FGFR1: variants seen among roughly 807,000 people sequenced by gnomAD.
FGFR1 encodes FGFR1/PLAG1 fusion.
FGFR1 carries 18 observed loss-of-function variants against 93.7 expected under a neutral mutation model. The observed-to-expected ratio is 0.19, with a 90% CI of 0.13 to 0.28. The LOEUF (loss-of-function observed/expected upper bound fraction) is 0.28. Among genes scored for constraint, FGFR1 ranks in the 10% least tolerant of loss-of-function variants. FGFR1 has a pLI of 1.00. For synonymous variants in FGFR1, 448 were observed against 429.3 expected (o/e 1.04, Z -0.54); for missense variants, 731 against 1,080.4 (o/e 0.68, Z 4.53).
chr8:38,431,455 A>G (rs758909026), intron 2 of FGFR1, among the ~76,000 whole-genome samples: 1 of 152,200 alleles, frequency 6.6e-6, no homozygotes, highest in Non-Finnish European at 1.5e-5. Context: ...ATGCTTGCTC[A>G]ATAAATACCA....
At chr8:38,421,380 C>T (rs986566722) in intron 8 of FGFR1, among the ~76,000 whole-genome samples, 4 of 152,220 alleles carry the variant, frequency 2.6e-5, no homozygotes, top group Non-Finnish European at 4.4e-5. Flanking sequence ...GCAAGCCCCA[C>T]CCCTGGGCTG....
rs574964654 is a variant in FGFR1, at chr8:38,411,205, G to T, written c.*2423C>A. 6.4e-5 allele frequency: 13 copies of T among 203,760 alleles called. No individual in the cohort carries two copies. Among genetic ancestry groups the T allele is most frequent in the East Asian group, 4.6e-4 (6 of 13,180 alleles). The allele number at this position is 203,760 out of a possible 1,614,324, so 12.6% of individuals were successfully genotyped here. Reference sequence around the variant, plus strand: ...CTTTGGGGAAATTTGTGGGTGATTTGAGTAGTAACAGCAAGGACATCACTG... The same window carrying T: ...CTTTGGGGAAATTTGTGGGTGATTTTAGTAGTAACAGCAAGGACATCACTG... On this transcript the variant is annotated 3_prime_UTR_variant, in exon 18 of 18. Transcript: ENST00000447712.
intron 11 of FGFR1, 64 bp downstream of exon 11, chr8:38,417,806 C>T (rs878998047): frequency 2.2e-5 from 36 of 1,613,168 alleles, no homozygotes; most frequent in South Asian, 1.8e-4. Flanking sequence ...CTGCTGGGCC[C>T]GAGGCCTGCT....
intron 1 of FGFR1, among the ~76,000 whole-genome samples, chr8:38,464,312 C>CAAAAAAAAAAA (rs56133772): frequency 2.4e-5 from 2 of 82,396 alleles, no homozygotes; most frequent in African/African-American, 4.6e-5. Flanking sequence ...GAGACTATCT[C>CAAAAAAAAAAA]AAAAAAAAAA....
At chr8:38,417,533 CCCA>C (rs973229283) in intron 11 of FGFR1, 117 bp from the exon 12 acceptor site, 38 of 881,888 alleles carry the variant, frequency 4.3e-5, no homozygotes, top group Admixed American at 3.9e-5. Context: ...TTCTCTCCTC[CCCA>C]CTTCATCCAA....
At chr8:38,460,919 C>T (rs1834246754) in intron 1 of FGFR1, among the ~76,000 whole-genome samples, 1 of 152,144 alleles carries the variant, frequency 6.6e-6, no homozygotes, top group African/African-American at 2.4e-5. Flanking sequence ...TAACCTGCAG[C>T]CTTGCAGGTG....
intron 3 of FGFR1, chr8:38,428,845 C>T (rs1821761412): frequency 3.2e-6 from 1 of 309,780 alleles, no homozygotes; most frequent in African/African-American, 2.2e-5. Context: ...GATGCTATTT[C>T]CAAAGGATGG....
intron 1 of FGFR1, 150 bp from the exon 2 acceptor site, chr8:38,457,684 A>G (rs1166804209): frequency 2.8e-6 from 2 of 723,458 alleles, no homozygotes; most frequent in African/African-American, 1.8e-5. Flanking sequence ...TACCCCAACA[A>G]TGAATTAGAT....
At chr8:38,418,508 G>T in intron 9 of FGFR1, 135 bp from the exon 10 acceptor site, 1 of 1,132,512 alleles carries the variant, frequency 8.8e-7, no homozygotes, top group Admixed American at 2.1e-5. Flanking sequence ...AACACAGAGT[G>T]GTCCAAAGAC....
intron 2 of FGFR1, among the ~76,000 whole-genome samples, chr8:38,443,992 G>T (rs1828432109): frequency 7.1e-6 from 1 of 141,144 alleles, no homozygotes. Flanking sequence ...GGTGGAGGTT[G>T]CAGTGAGCTG....
rs1439075347 is a variant in FGFR1 at position 38,418,164 on chromosome 8, C to T, written c.1430+64G>A. The T allele has an allele frequency of 3.1e-6, 5 of 1,612,698 alleles. No homozygotes were observed. In the African/African-American group the frequency reaches 5.3e-5, roughly 17 times the overall value. ...GCCCAGAAGGTGTTAGTATACACACCTTCCACCACTAGAATAGCAAGCAAG... is the reference window on the plus strand; with the variant it reads ...GCCCAGAAGGTGTTAGTATACACACTTTCCACCACTAGAATAGCAAGCAAG... On this transcript the variant is annotated intron_variant, in intron 10 of 17. Transcript: ENST00000447712.
In FGFR1 at chr8:38,429,981, A is replaced by C. The variant is rs1429403665; in HGVS notation, c.92-33T>G. On this transcript the variant is annotated intron_variant, in intron 2 of 17. Coordinates refer to ENST00000447712, the MANE Select transcript of FGFR1 (RefSeq NM_023110.3). This position sits in a 1 kb window ranked among gnomAD's most constrained non-coding sequence, Gnocchi z 4.4. ...CACCACGGGGCCGGGAAGGGAAGCC[A>C]AGGGGCGAGAGAGGAAGACAGGGAG... The C allele has an allele frequency of 6.3e-7, 1 of 1,580,074 alleles. No homozygotes were observed. Among genetic ancestry groups the C allele is most frequent in the African/African-American group, 1.3e-5 (1 of 74,242 alleles).
rs1211678425 is a variant in FGFR1 at position 38,468,232 on chromosome 8, C to G, written c.-340G>C. On this transcript the variant is annotated 5_prime_UTR_variant, in exon 1 of 18. Coordinates refer to ENST00000447712, the MANE Select transcript of FGFR1 (RefSeq NM_023110.3). ...CGGGGGGAGGGCTCCCGTCCGCCAC[C>G]CGGGGTCTCCAGACCTTGTGCCCCC... The G allele has an allele frequency of 4.4e-6, 1 of 228,478 alleles. No individual in the cohort carries two copies. Among genetic ancestry groups the G allele is most frequent in the African/African-American group, 2.2e-5 (1 of 45,004 alleles). 14.2% of individuals were successfully genotyped at this position (228,478 alleles called of 1,614,324 possible). A position where few individuals can be genotyped will look rare whatever the true frequency, so the allele number is the denominator to read the frequency against.
At chr8:38,434,068 C>G (rs1418511054) in intron 2 of FGFR1, among the ~76,000 whole-genome samples, 6 of 152,202 alleles carry the variant, frequency 3.9e-5, no homozygotes, top group African/African-American at 1.4e-4. Context: ...TTCAAACTTC[C>G]TCCATGTTAT....
intron 13 of FGFR1, 107 bp from the exon 14 acceptor site, chr8:38,415,008 C>T: frequency 2.4e-6 from 2 of 842,302 alleles, no homozygotes; most frequent in Non-Finnish European, 3.8e-6. Flanking sequence ...AGAACTTCTG[C>T]CACACTGCTC....
chr8:38,454,838 C>T (rs1360902268), intron 2 of FGFR1, among the ~76,000 whole-genome samples: 3 of 152,144 alleles, frequency 2.0e-5, no homozygotes, highest in African/African-American at 4.8e-5. Flanking sequence ...AACACAGGTG[C>T]ACCTCACTCT....
intron 2 of FGFR1, among the ~76,000 whole-genome samples, chr8:38,447,098 A>AAC (rs57917657): frequency 0.04 from 5,354 of 133,172 alleles, 94 homozygotes; most frequent in South Asian, 0.057. Flanking sequence ...ACTGCAAGCA[A>AAC]ACACACACAC....
intron 2 of FGFR1, among the ~76,000 whole-genome samples, chr8:38,451,713 A>G (rs1831134812): frequency 6.6e-6 from 1 of 152,166 alleles, no homozygotes; most frequent in African/African-American, 2.4e-5. Flanking sequence ...AACTCAGCCC[A>G]TTAAATCACT....
chr8:38,460,491 C>A (rs1834122098), intron 1 of FGFR1, among the ~76,000 whole-genome samples: 1 of 152,032 alleles, frequency 6.6e-6, no homozygotes, highest in Non-Finnish European at 1.5e-5. Context: ...GACTTGGCCA[C>A]TCTGTCCCCA....
Sources: gnomAD v4.1 joint callset for allele counts (sites outside exome capture counted in the v4.1 genomes callset) on GRCh38, gnomAD v4.1.1 for gene constraint, Gnocchi (gnomAD v3.1) non-coding constraint, MANE v1.5 for transcripts, NCBI Gene and HGNC (gene_info 2026-07-23, HGNC 2026-07-21) for gene names.